Variants in KLHDC4 observed in about 807,000 individuals in gnomAD.
KLHDC4 encodes the protein kelch domain-containing protein 4.
KLHDC4 carries 90 observed loss-of-function variants against 62.4 expected under a neutral mutation model. The ratio of observed to expected loss-of-function variants is 1.44; its 90% CI spans 1.22 to 1.72. KLHDC4 has a LOEUF of 1.72. KLHDC4 is among the 40% of genes most tolerant of loss of function. The pLI, the probability that KLHDC4 is intolerant of heterozygous loss-of-function variation, is 0.00. For synonymous variants in KLHDC4, 386 were observed against 284.4 expected (o/e 1.36, Z -3.59); for missense variants, 1,025 against 699.7 (o/e 1.47, Z -5.25).
intron 10 of KLHDC4, 169 bp from the exon 11 acceptor site, chr16:87,708,635 C>G (rs1003763445): frequency 1.1e-5 from 5 of 442,814 alleles, no homozygotes; most frequent in African/African-American, 1.0e-4. Context: ...AGGAAACAGA[C>G]TGCGTTCCCC....
chr16:87,757,953 C>T (rs1317031020), intron 2 of KLHDC4, among the ~76,000 whole-genome samples: 1 of 152,142 alleles, frequency 6.6e-6, no homozygotes, highest in East Asian at 1.9e-4. Flanking sequence ...ATGAAAGACA[C>T]AGTGACTATC....
intron 5 of KLHDC4, among the ~76,000 whole-genome samples, chr16:87,747,202 C>A (rs999913977): frequency 1.3e-5 from 2 of 152,242 alleles, no homozygotes. Context: ...GGAGCCAACA[C>A]CAGCCTGGCG....
chr16:87,700,289 T>C (rs1017477178), exon 1 of KLHDC4: 1 of 154,864 alleles, frequency 6.5e-6, no homozygotes, highest in African/African-American at 2.4e-5. Context: ...TTTTCAGTCG[T>C]CGCCTTCCAT....
At chr16:87,701,517 G>A (rs1007299277) in exon 1 of KLHDC4, 9 of 365,098 alleles carry the variant, frequency 2.5e-5, no homozygotes, top group East Asian at 7.4e-5. Context: ...AAGCAGCCCC[G>A]TGACGGGCAC....
chr16:87,723,826 A>C (rs1357157624), intron 7 of KLHDC4, among the ~76,000 whole-genome samples: 1 of 152,242 alleles, frequency 6.6e-6, no homozygotes, highest in Non-Finnish European at 1.5e-5. Flanking sequence ...TCAATGGAGA[A>C]TAAAAAGCCT....
chr16:87,735,225 G>T (rs535486303), intron 5 of KLHDC4, among the ~76,000 whole-genome samples: 1 of 151,680 alleles, frequency 6.6e-6, no homozygotes, highest in Admixed American at 6.6e-5. Flanking sequence ...GCGTGAACCC[G>T]GGAGGCGGAG....
At chr16:87,722,245 C>G (rs1466647408) in intron 7 of KLHDC4, among the ~76,000 whole-genome samples, 1 of 152,216 alleles carries the variant, frequency 6.6e-6, no homozygotes, top group Non-Finnish European at 1.5e-5. Context: ...ACGATACTGA[C>G]CAAAGCTGCC....
chr16:87,740,339 G>C (rs189465091), intron 5 of KLHDC4, among the ~76,000 whole-genome samples: 1 of 152,190 alleles, frequency 6.6e-6, no homozygotes, highest in Non-Finnish European at 1.5e-5. Flanking sequence ...CTATCCCAGA[G>C]GCCCAGGGCT....
intron 7 of KLHDC4, among the ~76,000 whole-genome samples, chr16:87,718,292 TCTCCCTCTCCCTCCCCCTCTCC>T (rs2037411968): frequency 8.5e-6 from 1 of 117,136 alleles, no homozygotes; most frequent in African/African-American, 3.5e-5. Flanking sequence ...TCGCTCTCCC[TCTCCCTCTCCCTCCCCCTCTCC>T]CTCCCCCTCC....
chr16:87,705,375 G>T (rs1480721633), downstream of KLHDC4, among the ~76,000 whole-genome samples: 1 of 152,236 alleles, frequency 6.6e-6, no homozygotes, highest in African/African-American at 2.4e-5. Context: ...GTCTCCCACG[G>T]TTCCACACTG....
Position 87,721,559 on chromosome 16 carries a change from G to A in KLHDC4, c.759+5206C>T, listed in dbSNP as rs1004487208. ...AGACAACCTGCAGCCGGTGACCTGG[G>A]AGAGCTGGGCACGGACCTCAGGGGC... On this transcript the variant is annotated intron_variant, in intron 7 of 11. Transcript: ENST00000270583. Among the ~76,000 whole-genome samples the A allele has an allele frequency of 5.5e-4, 84 of 152,146 alleles. 1 individual carries two copies. The highest frequency in any genetic ancestry group is 3.5e-3 in the Admixed American group (53 of 15,276).
At chr16:87,741,478 G>A (rs1041091077) in intron 5 of KLHDC4, among the ~76,000 whole-genome samples, 3 of 152,172 alleles carry the variant, frequency 2.0e-5, no homozygotes, top group African/African-American at 7.2e-5. Flanking sequence ...CCAGGTTGCG[G>A]AATCTAGGTT....
At chr16:87,711,883 CA>C in intron 8 of KLHDC4, among the ~76,000 whole-genome samples, 1 of 136,476 alleles carries the variant, frequency 7.3e-6, no homozygotes, top group African/African-American at 3.6e-5. Context: ...CTCCACCCTG[CA>C]CGGGGAACCT....
At position 87,730,620 on chromosome 16, in the gene KLHDC4, C is replaced by G. The variant is rs747508732; in HGVS notation, c.531G>C (p.Arg177=). 1 of 1,613,008 alleles carries G rather than the reference C, an allele frequency of 6.2e-7. No homozygotes were observed. Among genetic ancestry groups the G allele is most frequent in the Non-Finnish European group, 8.5e-7 (1 of 1,179,836 alleles). The change falls in exon 6 of 12, where the codon CGG becomes CGC. Residue 177 remains arginine, a synonymous_variant. Coordinates refer to ENST00000270583, the MANE Select transcript of KLHDC4 (RefSeq NM_017566.4). Reference sequence around the variant, plus strand: ...TCCAGGCCACCATCCGATGTCCACTCCGACCCGAAGGACCGCCTGTTGATC... The same window carrying G: ...TCCAGGCCACCATCCGATGTCCACTGCGACCCGAAGGACCGCCTGTTGATC... ...QVKSTGGPSG[R]SGHRMVAWKR...
At chr16:87,753,472 G>C (rs1357064168) in intron 4 of KLHDC4, among the ~76,000 whole-genome samples, 1 of 152,134 alleles carries the variant, frequency 6.6e-6, no homozygotes, top group Non-Finnish European at 1.5e-5. Context: ...ATCACCTCAG[G>C]ACAAAATGCA....
At position 87,726,903 on chromosome 16, in the gene KLHDC4, G is replaced by C. The variant is rs780249740; in HGVS notation, c.621C>G (p.Asp207Glu). The change falls in exon 7 of 12, where the codon GAC (aspartate) becomes GAG (glutamate). Residue 207 changes from aspartate (D) to glutamate (E), a missense_variant. Transcript: ENST00000270583. ...AGGTGTCCAGATTAAAGGCATACAC[G>C]TCGTTGTAGTAGATGTAATCCCTGG... ...ESTRDYIYYN[D>E]VYAFNLDTFT... The C allele has an allele frequency of 2.5e-6, 4 of 1,613,794 alleles. No individual in the cohort carries two copies. In the East Asian group the frequency reaches 6.7e-5, roughly 27 times the overall value.
intron 7 of KLHDC4, among the ~76,000 whole-genome samples, chr16:87,717,177 G>C (rs2037173858): frequency 6.6e-6 from 1 of 152,110 alleles, no homozygotes; most frequent in Admixed American, 6.5e-5. Context: ...GCTGCAGTGA[G>C]CCAAGATCAT....
chr16:87,737,480 T>C (rs2041531164), intron 5 of KLHDC4, among the ~76,000 whole-genome samples: 2 of 151,836 alleles, frequency 1.3e-5, no homozygotes, highest in South Asian at 4.2e-4. Flanking sequence ...CCCAGCTACT[T>C]GGAAAGCTGA....
In KLHDC4 at chr16:87,709,294, G is replaced by T. The variant is rs781454057; in HGVS notation, c.1418C>A (p.Ala473Glu). Residue 473 changes from alanine to glutamate, a missense_variant, in exon 10 of 12, where the codon GCG (alanine) becomes GAG (glutamate). Coordinates refer to ENST00000270583, the MANE Select transcript of KLHDC4 (RefSeq NM_017566.4). The part of the protein sequence containing the change: ...LHCLDLHRME[A>E]WKALVEMDPE... ...GTCCATCTCCACCAAGGCCTTCCAC[G>T]CCTCCATCCTGTGCAGGTCCAGGCA... is the stretch of plus-strand genomic sequence containing the variant. 4.3e-6 allele frequency: 7 copies of T among 1,612,430 alleles called. No homozygotes were observed. In the African/African-American group the frequency reaches 6.7e-5, roughly 15 times the overall value.
Sources: allele counts gnomAD v4.1 joint callset (sites outside exome capture counted in the v4.1 genomes callset), GRCh38; gene constraint gnomAD v4.1.1; transcripts MANE v1.5; gene names NCBI Gene and HGNC (gene_info 2026-07-23, HGNC 2026-07-21).